RAB10: variants seen among roughly 807,000 people sequenced by gnomAD.
RAB10 encodes the protein ras-related protein Rab-10.
RAB10 carries 5 observed loss-of-function variants against 25.7 expected under a neutral mutation model. That is an observed-to-expected ratio of 0.19 (90% CI 0.10 to 0.41). The LOEUF is 0.41. RAB10 is among the 10% of genes least tolerant of loss of function. The pLI is 1.00. For missense variants in RAB10, 103 were observed against 245.8 expected (o/e 0.42, Z 3.89); for synonymous variants, 89 against 86.4 (o/e 1.03, Z -0.16).
In RAB10 at chr2:26,099,585, T is replaced by G. The variant is rs575479078; in HGVS notation, c.188+863T>G. Among the ~76,000 whole-genome samples the G allele has an allele frequency of 4.3e-4, 58 of 133,910 alleles. 2 individuals carry two copies. In the South Asian group the frequency reaches 0.014, roughly 32 times the overall value. The allele number at this position is 133,910 out of a possible 152,430, so 87.9% of individuals were successfully genotyped here. ...AGGTGGAGTCTCGCTCTGTCGCCCA[T>G]GCTGGAGAGCAGTGGCGCTATTTCG... is the stretch of plus-strand genomic sequence containing the variant. On this transcript the variant is annotated intron_variant, in intron 2 of 5. Transcript: ENST00000264710.
chr2:26,068,889 CTTA>C (rs1444307940), intron 1 of RAB10, among the ~76,000 whole-genome samples: 2 of 152,116 alleles, frequency 1.3e-5, no homozygotes, highest in African/African-American at 4.8e-5. Flanking sequence ...AAATGTTTCA[CTTA>C]TTGTTTTCAT....
At chr2:26,070,798 A>G (rs989512162) in intron 1 of RAB10, among the ~76,000 whole-genome samples, 1 of 152,362 alleles carries the variant, frequency 6.6e-6, no homozygotes, top group South Asian at 2.1e-4. Context: ...ATTGTATGGC[A>G]TGTAAATTCT....
intron 1 of RAB10, among the ~76,000 whole-genome samples, chr2:26,081,362 A>G (rs1666864891): frequency 1.3e-5 from 2 of 152,198 alleles, no homozygotes; most frequent in Admixed American, 6.5e-5. Context: ...GTTCTGTGAC[A>G]TTCCTGACTC....
At chr2:26,098,762 G>A (rs776327884) in intron 2 of RAB10, 40 bp downstream of exon 2, 6 of 1,459,784 alleles carry the variant, frequency 4.1e-6, no homozygotes, top group Middle Eastern at 3.5e-4. Context: ...AGAATGTCAG[G>A]TTCCTTAAGG....
intron 1 of RAB10, among the ~76,000 whole-genome samples, chr2:26,062,976 A>G (rs1574533820): frequency 6.6e-6 from 1 of 151,256 alleles, no homozygotes; most frequent in African/African-American, 2.4e-5. Flanking sequence ...TTAGCCAGGC[A>G]TGGTGGCAGG....
At chr2:26,048,948 C>T (rs1272069577) in intron 1 of RAB10, among the ~76,000 whole-genome samples, 1 of 152,120 alleles carries the variant, frequency 6.6e-6, no homozygotes, top group South Asian at 2.1e-4. Flanking sequence ...TCTTTTCATC[C>T]TCTTCACATG....
intron 1 of RAB10, among the ~76,000 whole-genome samples, chr2:26,077,145 AG>A (rs34743792): frequency 5.8e-4 from 88 of 152,360 alleles, no homozygotes; most frequent in South Asian, 1.9e-3. Flanking sequence ...GAAATAATTC[AG>A]ACATGATTGT....
chr2:26,118,959 C>T (rs1223215247), intron 3 of RAB10, among the ~76,000 whole-genome samples: 2 of 152,008 alleles, frequency 1.3e-5, no homozygotes, highest in African/African-American at 2.4e-5. Context: ...AATGCGTATC[C>T]GACTGAAAAA....
chr2:26,085,742 AC>A (rs1559588772), intron 1 of RAB10, among the ~76,000 whole-genome samples: 1 of 151,930 alleles, frequency 6.6e-6, no homozygotes, highest in Non-Finnish European at 1.5e-5. Flanking sequence ...CACACCTGTA[AC>A]CCCAGCACTT....
chr2:26,116,718 A>G (rs913011059), intron 3 of RAB10, among the ~76,000 whole-genome samples: 7 of 151,406 alleles, frequency 4.6e-5, no homozygotes, highest in African/African-American at 1.7e-4. Flanking sequence ...CACCGCACCC[A>G]GCTAATTTTT....
intron 2 of RAB10, among the ~76,000 whole-genome samples, chr2:26,108,615 TAA>T (rs576568660): frequency 3.3e-5 from 2 of 60,312 alleles, no homozygotes; most frequent in Non-Finnish European, 4.0e-5. Flanking sequence ...TAAGTGCATG[TAA>T]AAAAAAAAAA....
chr2:26,124,344 C>T (rs183578529), intron 3 of RAB10, among the ~76,000 whole-genome samples: 22 of 141,370 alleles, frequency 1.6e-4, no homozygotes, highest in Admixed American at 8.0e-4. Context: ...TAACCGCAGC[C>T]ATTTGGCAGT....
At position 26,048,933 on chromosome 2, in the gene RAB10, G is replaced by A. The variant is rs1281241954; in HGVS notation, c.127+14198G>A. Among the ~76,000 whole-genome samples the A allele has an allele frequency of 3.3e-5, 5 of 152,270 alleles. No homozygotes were observed. In the East Asian group the frequency reaches 7.7e-4, roughly 23 times the overall value. ...TACAGATATTTTCTTCCAGTCTGTA[G>A]CTTGTCTTTTCATCCTCTTCACATG... On this transcript the variant is annotated intron_variant, in intron 1 of 5. Coordinates refer to ENST00000264710, the MANE Select transcript of RAB10 (RefSeq NM_016131.5).
intron 1 of RAB10, among the ~76,000 whole-genome samples, chr2:26,094,012 C>A (rs531639446): frequency 1.1e-4 from 16 of 152,080 alleles, no homozygotes; most frequent in African/African-American, 3.9e-4. Context: ...CCTCCCACCA[C>A]AGCCTCCCAA....
At chr2:26,123,314 C>T (rs1306268841) in intron 3 of RAB10, among the ~76,000 whole-genome samples, 1 of 152,154 alleles carries the variant, frequency 6.6e-6, no homozygotes. Flanking sequence ...GTCTCTAATT[C>T]AGCATCTAGA....
At chr2:26,111,875 A>G (rs1667580065) in intron 3 of RAB10, among the ~76,000 whole-genome samples, 1 of 152,106 alleles carries the variant, frequency 6.6e-6, no homozygotes, top group African/African-American at 2.4e-5. Flanking sequence ...TTGAGATGCC[A>G]TTTGCAAGTC....
chr2:26,092,771 G>T (rs185562044), intron 1 of RAB10, among the ~76,000 whole-genome samples: 22 of 152,204 alleles, frequency 1.4e-4, no homozygotes, highest in African/African-American at 5.1e-4. Flanking sequence ...TTAATAAATT[G>T]TATACCTAGC....
In RAB10 at chr2:26,129,268, CAAAAAAAAA is replaced by C. The variant is rs58007291; in HGVS notation, c.519+1338_519+1346del. Among the ~76,000 whole-genome samples the C allele has an allele frequency of 1.9e-3, 259 of 133,526 alleles. 7 individuals carry two copies. Among genetic ancestry groups the C allele is most frequent in the South Asian group, 0.019 (81 of 4,266 alleles). 87.6% of individuals were successfully genotyped at this position (133,526 alleles called of 152,430 possible). ...TTGGGGACAGACCAAGACTCCATCT[CAAAAAAAAA>C]AAAAAAAAAAAAAAAAAAAATCTGA... On this transcript the variant is annotated intron_variant, in intron 5 of 5. Coordinates refer to ENST00000264710, the MANE Select transcript of RAB10 (RefSeq NM_016131.5).
intron 1 of RAB10, among the ~76,000 whole-genome samples, chr2:26,046,531 G>C (rs1472928405): frequency 6.6e-6 from 1 of 152,070 alleles, no homozygotes; most frequent in Non-Finnish European, 1.5e-5. Flanking sequence ...GAGGAAAACA[G>C]CAACTATTAA....
Sources: allele counts gnomAD v4.1 joint callset (sites outside exome capture counted in the v4.1 genomes callset), GRCh38; gene constraint gnomAD v4.1.1; transcripts MANE v1.5; gene names NCBI Gene and HGNC (gene_info 2026-07-23, HGNC 2026-07-21).